Variants in SNAP91 observed in about 807,000 individuals in gnomAD.
SNAP91 encodes clathrin coat assembly protein AP180.
A neutral mutation model predicts 100.3 loss-of-function variants in SNAP91; 27 were observed. That is an observed-to-expected ratio of 0.27 (90% CI 0.20 to 0.37). The LOEUF (loss-of-function observed/expected upper bound fraction) is 0.37. Among genes scored for constraint, SNAP91 ranks in the 10% least tolerant of loss-of-function variants. The pLI, the probability that SNAP91 is intolerant of heterozygous loss-of-function variation, is 1.00. For missense variants in SNAP91, 986 were observed against 1,123.7 expected (o/e 0.88, Z 1.75); for synonymous variants, 404 against 398.6 (o/e 1.01, Z -0.16).
rs575335533 is a variant in SNAP91 at position 83,581,765 on chromosome 6, G to A, written c.2149+457C>T. Among the ~76,000 whole-genome samples the A allele has an allele frequency of 2.6e-5, 4 of 152,300 alleles. No homozygotes were observed. The South Asian group carries it at 8.3e-4, about 32-fold the overall frequency. ...AGAATACAAACAAAATGACAGCAGT[G>A]ATGAAAGGTTAAAGGCAGGCAAAGA... On this transcript the variant is annotated intron_variant, in intron 23 of 29. Transcript: ENST00000369694.
chr6:83,579,360 T>G (rs756615568), intron 24 of SNAP91, among the ~76,000 whole-genome samples: 31 of 152,186 alleles, frequency 2.0e-4, no homozygotes, highest in Non-Finnish European at 4.4e-5. Flanking sequence ...GCAGTCACTT[T>G]GTGAGATGAA....
At chr6:83,669,386 A>AAAAAATAAAGTATAG (rs2098743471) in intron 2 of SNAP91, among the ~76,000 whole-genome samples, 1 of 152,040 alleles carries the variant, frequency 6.6e-6, no homozygotes, top group African/African-American at 2.4e-5. Context: ...GTGAGATCTA[A>AAAAAATAAAGTATAG]ATGCTATGTA....
chr6:83,593,132 GAA>G (rs1427913998), intron 19 of SNAP91, 48 bp downstream of exon 19: 1 of 1,539,146 alleles, frequency 6.5e-7, no homozygotes, highest in African/African-American at 1.4e-5. Context: ...GCTTAATCAG[GAA>G]AACATCTAAG....
At chr6:83,659,407 T>G (rs1166567003) in intron 5 of SNAP91, among the ~76,000 whole-genome samples, 2 of 151,390 alleles carry the variant, frequency 1.3e-5, no homozygotes, top group African/African-American at 4.9e-5. Context: ...GTAATAGTGT[T>G]GAAAAGTATG....
At chr6:83,601,180 T>C (rs1399923799) in intron 16 of SNAP91, 91 bp downstream of exon 16, 11 of 1,118,926 alleles carry the variant, frequency 9.8e-6, no homozygotes, top group African/African-American at 1.6e-5. Context: ...TCTGACATGC[T>C]GTTACATAAC....
At chr6:83,662,458 A>G (rs750390619) in intron 3 of SNAP91, 36 bp from the exon 4 acceptor site, 5 of 867,118 alleles carry the variant, frequency 5.8e-6, no homozygotes. Flanking sequence ...CACACATTTT[A>G]AAATCATACT....
chr6:83,561,065 T>TG, intron 26 of SNAP91, 118 bp from the exon 27 acceptor site: 1 of 723,030 alleles, frequency 1.4e-6, no homozygotes, highest in South Asian at 2.1e-5. Flanking sequence ...ATTTTAAAGA[T>TG]GGGGTCTCAC....
intron 2 of SNAP91, among the ~76,000 whole-genome samples, chr6:83,684,176 A>T (rs1473081759): frequency 1.3e-5 from 2 of 152,190 alleles, no homozygotes; most frequent in African/African-American, 4.8e-5. Context: ...CATTATATGT[A>T]AGAAGTTAAC....
intron 2 of SNAP91, among the ~76,000 whole-genome samples, chr6:83,685,898 T>C (rs1246665207): frequency 1.3e-5 from 2 of 152,186 alleles, no homozygotes; most frequent in Non-Finnish European, 2.9e-5. Flanking sequence ...TGCTTCCATC[T>C]TTTTAAAAAA....
intron 8 of SNAP91, among the ~76,000 whole-genome samples, chr6:83,626,931 C>G (rs962095281): frequency 1.3e-5 from 2 of 151,914 alleles, no homozygotes; most frequent in Non-Finnish European, 2.9e-5. Context: ...TTTTCTTGTT[C>G]TAGTTCTTAA....
intron 8 of SNAP91, among the ~76,000 whole-genome samples, chr6:83,629,526 T>G (rs1286695442): frequency 6.6e-6 from 1 of 152,148 alleles, no homozygotes; most frequent in Non-Finnish European, 1.5e-5. Flanking sequence ...TGTCTATGAT[T>G]TCTTTCAGCG....
chr6:83,703,328 C>T (rs1020453930), intron 2 of SNAP91, among the ~76,000 whole-genome samples: 3 of 151,998 alleles, frequency 2.0e-5, no homozygotes, highest in Non-Finnish European at 2.9e-5. Context: ...CTTTTTGGAT[C>T]TTTCAGCACT....
At chr6:83,695,948 G>T (rs2099203687) in intron 2 of SNAP91, among the ~76,000 whole-genome samples, 1 of 119,522 alleles carries the variant, frequency 8.4e-6, no homozygotes, top group South Asian at 3.1e-4. Flanking sequence ...GGAGGGGGGT[G>T]GGAAAGAACC....
At chr6:83,687,685 T>A (rs1447059370) in intron 2 of SNAP91, among the ~76,000 whole-genome samples, 1 of 152,200 alleles carries the variant, frequency 6.6e-6, no homozygotes, top group African/African-American at 2.4e-5. Context: ...TTAAGAGTAC[T>A]TTGTTGGGAA....
chr6:83,613,743 T>C (rs2096297318), intron 11 of SNAP91, among the ~76,000 whole-genome samples: 1 of 152,218 alleles, frequency 6.6e-6, no homozygotes, highest in African/African-American at 2.4e-5. Flanking sequence ...ACATATAAAT[T>C]GCTCTTCTTA....
chr6:83,588,973 G>C (rs2128174780), intron 22 of SNAP91, among the ~76,000 whole-genome samples: 1 of 152,270 alleles, frequency 6.6e-6, no homozygotes, highest in Admixed American at 6.5e-5. Context: ...ATACCCAGGA[G>C]AGAAAGAAAG....
chr6:83,665,824 T>C (rs938306541), intron 2 of SNAP91, among the ~76,000 whole-genome samples: 2 of 152,226 alleles, frequency 1.3e-5, no homozygotes, highest in African/African-American at 2.4e-5. Flanking sequence ...TTCTGTACTC[T>C]CTTCTGAATT....
chr6:83,583,030 C>G (rs1830613897), intron 22 of SNAP91, among the ~76,000 whole-genome samples: 1 of 152,182 alleles, frequency 6.6e-6, no homozygotes, highest in Admixed American at 6.5e-5. Flanking sequence ...TTTTTCAGTT[C>G]ATATAATTTG....
intron 2 of SNAP91, chr6:83,690,532 G>T: frequency 1.7e-6 from 1 of 602,640 alleles, no homozygotes; most frequent in Non-Finnish European, 2.5e-6. Context: ...TTGTTTGGTT[G>T]GTTATATCCA....
Sources: allele counts gnomAD v4.1 joint callset (sites outside exome capture counted in the v4.1 genomes callset), GRCh38; gene constraint gnomAD v4.1.1; transcripts MANE v1.5; gene names NCBI Gene and HGNC (gene_info 2026-07-23, HGNC 2026-07-21).